GARRE1: variants seen among roughly 807,000 people sequenced by gnomAD.
GARRE1 encodes granule associated Rac and RHOG effector protein 1.
In GARRE1, 49 loss-of-function variants were observed where a neutral mutation model predicts 103.2. The observed-to-expected ratio is 0.47, with a 90% CI of 0.38 to 0.60. The LOEUF (loss-of-function observed/expected upper bound fraction) is 0.60, where lower values mean the gene tolerates loss of function less well. Among genes scored for constraint, GARRE1 ranks in the 20% least tolerant of loss-of-function variants. The pLI, the probability that GARRE1 is intolerant of heterozygous loss-of-function variation, is 0.00. For missense variants in GARRE1, 1,199 were observed against 1,370.5 expected, an observed-to-expected ratio of 0.87 and a Z score of 1.98; for synonymous variants, 505 against 532.8, an observed-to-expected ratio of 0.95 and a Z score of 0.72.
chr19:34,257,464 A>G (rs943518622), intron 1 of GARRE1, among the ~76,000 whole-genome samples: 2 of 151,298 alleles, frequency 1.3e-5, no homozygotes, highest in Non-Finnish European at 2.9e-5. Flanking sequence ...CAGCCTCCCT[A>G]GGAGCTGGGA....
At chr19:34,295,790 C>A (rs2073943877) in intron 1 of GARRE1, among the ~76,000 whole-genome samples, 1 of 152,184 alleles carries the variant, frequency 6.6e-6, no homozygotes, top group South Asian at 2.1e-4. Flanking sequence ...CTCAGCCTTT[C>A]AAAGTGCTGG....
chr19:34,351,370 C>T (rs946440403), intron 12 of GARRE1, 144 bp from the exon 13 acceptor site: 30 of 646,128 alleles, frequency 4.6e-5, no homozygotes, highest in Non-Finnish European at 7.6e-5. Flanking sequence ...CCCTTAGCCG[C>T]CTTTATGCCA....
At chr19:34,287,767 C>G (rs557049589) in intron 1 of GARRE1, among the ~76,000 whole-genome samples, 2 of 152,244 alleles carry the variant, frequency 1.3e-5, no homozygotes, top group African/African-American at 4.8e-5. Context: ...TTACCATGTT[C>G]TCATATGGCA....
intron 8 of GARRE1, among the ~76,000 whole-genome samples, chr19:34,338,023 C>A (rs537354008): frequency 2.8e-4 from 43 of 152,284 alleles, no homozygotes; most frequent in African/African-American, 1.0e-3. Flanking sequence ...GCAGAGCTTG[C>A]GTTGTTGTTC....
intron 1 of GARRE1, among the ~76,000 whole-genome samples, chr19:34,270,246 C>T (rs2073778559): frequency 6.6e-6 from 1 of 152,234 alleles, no homozygotes; most frequent in Non-Finnish European, 1.5e-5. Context: ...AAGGCATTTT[C>T]CACCTTAATC....
intron 1 of GARRE1, among the ~76,000 whole-genome samples, chr19:34,265,980 C>T (rs1011208228): frequency 6.6e-6 from 1 of 152,228 alleles, no homozygotes; most frequent in African/African-American, 2.4e-5. Context: ...GGAAGTGCGT[C>T]GTTTCCATGA....
At chr19:34,281,490 C>A (rs1438885024) in intron 1 of GARRE1, among the ~76,000 whole-genome samples, 1 of 152,166 alleles carries the variant, frequency 6.6e-6, no homozygotes, top group African/African-American at 2.4e-5. Context: ...GTGGTTTCAC[C>A]ATATTGGCCA....
intron 2 of GARRE1, 93 bp from the exon 3 acceptor site, chr19:34,319,814 A>G: frequency 2.9e-6 from 3 of 1,021,424 alleles, no homozygotes; most frequent in Non-Finnish European, 3.1e-6. Flanking sequence ...CCAGTTAACT[A>G]TTGCTTCTAT....
At chr19:34,266,448 A>G (rs546482294) in intron 1 of GARRE1, among the ~76,000 whole-genome samples, 3 of 152,222 alleles carry the variant, frequency 2.0e-5, no homozygotes, top group South Asian at 4.1e-4. Flanking sequence ...TGCAACCTCT[A>G]TCTCCGGGGT....
Position 34,333,698 on chromosome 19 carries a change from T to C in GARRE1, c.1264-6T>C. The C allele has an allele frequency of 9.7e-7, 1 of 1,030,230 alleles. No individual in the cohort carries two copies. Among genetic ancestry groups the C allele is most frequent in the Non-Finnish European group, 1.5e-6 (1 of 671,712 alleles). The allele number at this position is 1,030,230 out of a possible 1,614,324, so 63.8% of individuals were successfully genotyped here. A position where few individuals can be genotyped will look rare whatever the true frequency, so the allele number is the denominator to read the frequency against. ...ATTTGTTTTTTTTTTTTTTTTTCGA[T>C]CTTAGGTGGTGGTTGACACAGCACA... On this transcript the variant is annotated splice_polypyrimidine_tract_variant and splice_region_variant and intron_variant, in intron 7 of 13. Transcript: ENST00000299505.
At chr19:34,351,469 G>A (rs200784860) in intron 12 of GARRE1, 45 bp from the exon 13 acceptor site, 2 of 1,474,090 alleles carry the variant, frequency 1.4e-6, no homozygotes, top group African/African-American at 2.8e-5. Flanking sequence ...GGTGGGCTGG[G>A]CAGGAAGCCA....
At position 34,300,438 on chromosome 19, in the gene GARRE1, C is replaced by T; in HGVS notation, c.-36C>T. The stretch of plus-strand genomic sequence containing the variant: ...TGAGAAAGAAGAATCAGAACCCTGA[C>T]CCACTTACGGTTGCTGGGACAATTC... On this transcript the variant is annotated 5_prime_UTR_variant, in exon 2 of 14. Transcript: ENST00000299505. The T allele has an allele frequency of 2.0e-6, 3 of 1,516,426 alleles. No homozygotes were observed. Among genetic ancestry groups the T allele is most frequent in the Non-Finnish European group, 2.7e-6 (3 of 1,130,692 alleles). 93.9% of individuals were successfully genotyped at this position (1,516,426 alleles called of 1,614,324 possible).
chr19:34,298,771 A>G (rs1032418745), intron 1 of GARRE1, among the ~76,000 whole-genome samples: 3 of 152,202 alleles, frequency 2.0e-5, no homozygotes, highest in Non-Finnish European at 2.9e-5. Context: ...ACGTATTTGA[A>G]CTTTTGTTTG....
intron 1 of GARRE1, among the ~76,000 whole-genome samples, chr19:34,256,912 T>C (rs750593434): frequency 5.3e-5 from 8 of 152,154 alleles, no homozygotes; most frequent in Admixed American, 3.9e-4. Context: ...AAGCAAAAAG[T>C]TTAGTTTATT....
chr19:34,314,047 C>T (rs879788906), intron 2 of GARRE1, among the ~76,000 whole-genome samples: 37 of 152,170 alleles, frequency 2.4e-4, no homozygotes, highest in African/African-American at 4.6e-4. Flanking sequence ...GTGATCCACC[C>T]GCCTCAACCT....
intron 1 of GARRE1, among the ~76,000 whole-genome samples, chr19:34,255,045 C>T (rs1053552659): frequency 9.2e-5 from 14 of 151,910 alleles, no homozygotes; most frequent in African/African-American, 3.4e-4. Context: ...CAGGGGTCCG[C>T]TGGGGCTAGC....
intron 1 of GARRE1, among the ~76,000 whole-genome samples, chr19:34,280,954 A>T (rs2073849057): frequency 6.6e-6 from 1 of 151,724 alleles, no homozygotes. Flanking sequence ...TTTTAGTAGA[A>T]CTAGGAAATA....
intron 10 of GARRE1, among the ~76,000 whole-genome samples, chr19:34,342,668 T>C (rs2074192407): frequency 6.6e-6 from 1 of 152,176 alleles, no homozygotes; most frequent in Non-Finnish European, 1.5e-5. Flanking sequence ...GTGGACTATT[T>C]TTCTTACTTT....
chr19:34,345,959 G>T (rs59044689), intron 10 of GARRE1, among the ~76,000 whole-genome samples: 1 of 152,164 alleles, frequency 6.6e-6, no homozygotes, highest in Non-Finnish European at 1.5e-5. Context: ...GAAGTCCATG[G>T]TGTAGTTTTC....
Sources: gnomAD v4.1 joint callset for allele counts (sites outside exome capture counted in the v4.1 genomes callset) on GRCh38, gnomAD v4.1.1 for gene constraint, MANE v1.5 for transcripts, NCBI Gene and HGNC (gene_info 2026-07-23, HGNC 2026-07-21) for gene names.